The following COG5 variants were observed in gnomAD, a reference collection of about 807,000 sequenced individuals.
COG5 encodes the protein component of oligomeric golgi complex 5.
COG5 carries 86 observed loss-of-function variants against 110.4 expected under a neutral mutation model. The observed-to-expected ratio is 0.78, with a 90% CI of 0.65 to 0.93. The LOEUF (loss-of-function observed/expected upper bound fraction) is 0.93. COG5 is among the 40% of genes least tolerant of loss of function. The pLI is 0.00. For synonymous variants in COG5, 360 were observed against 334.6 expected (o/e 1.08, Z -0.83); for missense variants, 1,077 against 987.0 (o/e 1.09, Z -1.22).
chr7:107,490,921 T>C (rs1198451094), intron 6 of COG5, among the ~76,000 whole-genome samples: 2 of 152,274 alleles, frequency 1.3e-5, no homozygotes, highest in East Asian at 3.9e-4. Flanking sequence ...AATTTATGAA[T>C]ACGGTGTTGT....
chr7:107,355,960 A>G (rs993927354), intron 10 of COG5, among the ~76,000 whole-genome samples: 3 of 152,234 alleles, frequency 2.0e-5, no homozygotes, highest in African/African-American at 7.2e-5. Context: ...CAGTTTACAC[A>G]TTAGAGTTTG....
At chr7:107,325,559 G>A (rs566172985) in intron 10 of COG5, among the ~76,000 whole-genome samples, 155 of 152,308 alleles carry the variant, frequency 1.0e-3, no homozygotes, top group African/African-American at 3.5e-3. Context: ...ACTGAGGCAG[G>A]AGAATCACTT....
rs749445329 is a variant in COG5 at position 107,230,691 on chromosome 7, T to C, written c.2092A>G (p.Met698Val). The change falls in exon 19 of 22, where the codon ATG becomes GTG. Residue 698 changes from methionine (M) to valine (V), a missense_variant and splice_region_variant. Physicochemically the swap from Met to Val is conservative, Grantham distance 21. Transcript: ENST00000297135. The part of the protein sequence containing the change: ...KMRLAADFAQ[M>V]ELAVGPFCRR... ...CAGAATGGACCCACAGCCAACTCCA[T>C]CTGAAATATTAAAATATACTCCATT... 121 of 1,604,404 alleles carry C rather than the reference T, an allele frequency of 7.5e-5. No individual in the cohort carries two copies. The highest frequency in any genetic ancestry group is 9.8e-5 in the Non-Finnish European group (115 of 1,171,432).
chr7:107,537,503 G>T (rs1056629852), intron 5 of COG5, among the ~76,000 whole-genome samples: 1 of 151,884 alleles, frequency 6.6e-6, no homozygotes, highest in African/African-American at 2.4e-5. Flanking sequence ...AAAACCAAAC[G>T]CTGCATATTC....
chr7:107,271,244 C>T (rs938431919), intron 14 of COG5, among the ~76,000 whole-genome samples: 2 of 151,836 alleles, frequency 1.3e-5, no homozygotes, highest in South Asian at 2.1e-4. Flanking sequence ...AGACTCCATC[C>T]CTTGAAACAA....
At chr7:107,222,339 G>A (rs991158202) in intron 19 of COG5, among the ~76,000 whole-genome samples, 4 of 152,108 alleles carry the variant, frequency 2.6e-5, no homozygotes, top group Non-Finnish European at 5.9e-5. Context: ...TGGCTTACAG[G>A]ATTACAGGGG....
chr7:107,228,514 A>C (rs1253265311), intron 19 of COG5, among the ~76,000 whole-genome samples: 1 of 152,118 alleles, frequency 6.6e-6, no homozygotes, highest in Non-Finnish European at 1.5e-5. Flanking sequence ...TAGTAAAGTA[A>C]CTTTTATGGT....
chr7:107,415,115 A>G (rs906807467), intron 6 of COG5, among the ~76,000 whole-genome samples: 1 of 152,166 alleles, frequency 6.6e-6, no homozygotes, highest in Non-Finnish European at 1.5e-5. Context: ...GAATTCAGCT[A>G]TGCACTTATG....
At chr7:107,332,754 C>A (rs901471155) in intron 10 of COG5, among the ~76,000 whole-genome samples, 1 of 151,836 alleles carries the variant, frequency 6.6e-6, no homozygotes, top group African/African-American at 2.4e-5. Context: ...CTTACTGAAA[C>A]CTGAGTGTGA....
chr7:107,475,122 C>T (rs1158968173), intron 6 of COG5: 4 of 1,610,816 alleles, frequency 2.5e-6, no homozygotes, highest in Non-Finnish European at 3.4e-6. Context: ...GTTTTTTAGT[C>T]ATGGCTTATG....
At chr7:107,346,824 G>A (rs1180451716) in intron 10 of COG5, among the ~76,000 whole-genome samples, 1 of 151,748 alleles carries the variant, frequency 6.6e-6, no homozygotes, top group South Asian at 2.1e-4. Context: ...TTTACATTAG[G>A]TATATCTCCT....
At position 107,467,424 on chromosome 7, in the gene COG5, G is replaced by A. The variant is rs139523656; in HGVS notation, c.539-54792C>T. 2.6e-5 allele frequency among the ~76,000 whole-genome samples: 4 copies of A among 152,100 alleles called. No homozygotes were observed. The East Asian group carries it at 5.8e-4, about 22-fold the overall frequency. On this transcript the variant is annotated intron_variant, in intron 6 of 21. Transcript: ENST00000297135. ...AGGCTGGAGGGGTAGCGGTGCAATC[G>A]CAGCTCACTGCAATCTCTGCCACCC... is the stretch of plus-strand genomic sequence containing the variant.
At chr7:107,503,629 A>G (rs1798776564) in intron 6 of COG5, among the ~76,000 whole-genome samples, 1 of 152,220 alleles carries the variant, frequency 6.6e-6, no homozygotes, top group Non-Finnish European at 1.5e-5. Context: ...CTTCCAATCT[A>G]TGAACACAAG....
chr7:107,423,912 GAA>G (rs10594315), intron 6 of COG5, among the ~76,000 whole-genome samples: 22,764 of 152,054 alleles, frequency 0.15, 2,165 homozygotes, highest in Non-Finnish European at 0.21. Flanking sequence ...ATAATGAAAA[GAA>G]TGCAGGAAAA....
chr7:107,487,985 A>G (rs1250714212), intron 6 of COG5, among the ~76,000 whole-genome samples: 2 of 152,258 alleles, frequency 1.3e-5, no homozygotes, highest in East Asian at 3.9e-4. Context: ...ATTTTCAGCA[A>G]TCAACATATG....
intron 3 of COG5, among the ~76,000 whole-genome samples, chr7:107,550,935 A>G (rs1802842831): frequency 6.6e-6 from 1 of 152,020 alleles, no homozygotes; most frequent in Non-Finnish European, 1.5e-5. Context: ...CATAGTTCCA[A>G]AAGGACAGTG....
intron 6 of COG5, among the ~76,000 whole-genome samples, chr7:107,521,054 T>C (rs1800288446): frequency 6.6e-6 from 1 of 152,248 alleles, no homozygotes; most frequent in African/African-American, 2.4e-5. Flanking sequence ...AAAGATTCCC[T>C]ATTTAATAAA....
intron 14 of COG5, among the ~76,000 whole-genome samples, chr7:107,276,466 T>TCGAGACCAGCCTGAGTAATGTGG (rs1804708472): frequency 6.6e-6 from 1 of 152,090 alleles, no homozygotes. Flanking sequence ...GCCCAGGAGT[T>TCGAGACCAGCCTGAGTAATGTGG]CGAGACCAGC....
At chr7:107,526,538 T>A (rs1291941301) in intron 6 of COG5, among the ~76,000 whole-genome samples, 1 of 152,214 alleles carries the variant, frequency 6.6e-6, no homozygotes. Context: ...ATTTGTCATG[T>A]TAAAAACAGC....
Sources: gnomAD v4.1 joint callset for allele counts (sites outside exome capture counted in the v4.1 genomes callset) on GRCh38, gnomAD v4.1.1 for gene constraint, MANE v1.5 for transcripts, NCBI Gene and HGNC (gene_info 2026-07-23, HGNC 2026-07-21) for gene names.